Variants in PCLO observed in about 807,000 individuals in gnomAD.
The protein encoded by PCLO is piccolo presynaptic cytomatrix protein.
A neutral mutation model predicts 427.5 loss-of-function variants in PCLO; 82 were observed. That is an observed-to-expected ratio of 0.19 (90% CI 0.16 to 0.23). PCLO has a LOEUF of 0.23. PCLO is among the 10% of genes least tolerant of loss of function. The pLI, the probability that PCLO is intolerant of heterozygous loss-of-function variation, is 1.00. For missense variants in PCLO, 6,239 were observed against 6,115.9 expected, an observed-to-expected ratio of 1.02 and a Z score of -0.67; for synonymous variants, 2,357 against 2,155.4, an observed-to-expected ratio of 1.09 and a Z score of -2.59.
chr7:82,758,569 GTTTCTTCAATGCGT>G lies in PCLO; in HGVS notation c.15421_*5del. On this transcript the variant is annotated stop_lost and 3_prime_UTR_variant, in exon 25 of 25. Transcript: ENST00000333891. ...CAGTTTCTATACCCTGAGAAGACAT[GTTTCTTCAATGCGT>G]TTGAGTAGGACTGACCAAAAGTTTG... is the stretch of plus-strand genomic sequence containing the variant. 6.2e-7 allele frequency: 1 copy of G among 1,607,272 alleles called. No homozygotes were observed. The highest frequency in any genetic ancestry group is 8.5e-7 in the Non-Finnish European group (1 of 1,176,824).
At chr7:83,026,209 C>CAT (rs1253937912) in intron 3 of PCLO, among the ~76,000 whole-genome samples, 1 of 152,070 alleles carries the variant, frequency 6.6e-6, no homozygotes, top group Non-Finnish European at 1.5e-5. Flanking sequence ...TCAGGAAACC[C>CAT]ATCTCACGTG....
At chr7:83,040,623 A>G (rs1788950157) in intron 3 of PCLO, among the ~76,000 whole-genome samples, 1 of 152,148 alleles carries the variant, frequency 6.6e-6, no homozygotes. Flanking sequence ...ACCTACATAC[A>G]GTTCAGCCTA....
chr7:82,949,458 G>GA lies in PCLO; in HGVS notation c.11112+17dup. 6.5e-7 allele frequency: 1 copy of GA among 1,530,932 alleles called. No individual in the cohort carries two copies. The highest frequency in any genetic ancestry group is 8.8e-7 in the Non-Finnish European group (1 of 1,137,416). 94.8% of individuals were successfully genotyped at this position (1,530,932 alleles called of 1,614,324 possible). ...ATAACTCATCCATTGCCTTCCAACT[G>GA]AAAAGAATCACTCTTACCGTATAGC... is the stretch of plus-strand genomic sequence containing the variant. On this transcript the variant is annotated intron_variant, in intron 6 of 24. Coordinates refer to ENST00000333891, the MANE Select transcript of PCLO (RefSeq NM_033026.6).
chr7:82,945,285 C>T (rs1795175127), intron 6 of PCLO, among the ~76,000 whole-genome samples: 1 of 152,128 alleles, frequency 6.6e-6, no homozygotes, highest in African/African-American at 2.4e-5. Context: ...ATCAGACTGA[C>T]AGGGTCTTGA....
intron 3 of PCLO, among the ~76,000 whole-genome samples, chr7:83,032,787 G>A (rs190837616): frequency 2.2e-3 from 337 of 152,116 alleles, no homozygotes; most frequent in African/African-American, 7.8e-3. Flanking sequence ...ATCTAGAGTT[G>A]AATCATGAAG....
chr7:82,763,819 G>C (rs1414974282), intron 22 of PCLO, among the ~76,000 whole-genome samples: 1 of 151,992 alleles, frequency 6.6e-6, no homozygotes, highest in Non-Finnish European at 1.5e-5. Flanking sequence ...GTTCATAGTA[G>C]AGAGATGTTT....
chr7:83,111,691 G>A (rs953721779), intron 3 of PCLO, among the ~76,000 whole-genome samples: 3 of 152,160 alleles, frequency 2.0e-5, no homozygotes, highest in African/African-American at 7.2e-5. Flanking sequence ...TTAAGATCCT[G>A]ATTAGAAAGT....
chr7:82,949,858 C>G lies in PCLO; in HGVS notation c.10730G>C (p.Ser3577Thr), dbSNP rs1225596103. Residue 3577 changes from serine (S) to threonine (T), a missense_variant, in exon 6 of 25, where the codon AGT becomes ACT. Coordinates refer to ENST00000333891, the MANE Select transcript of PCLO (RefSeq NM_033026.6). The stretch of plus-strand genomic sequence containing the variant: ...AGATGTGGCACTCAGATATTGAGGA[C>G]TTTGTGTGTCTGAATCTGCTTCTGT... ...CQTEADSDTQ[S>T]PQYLSATSPP... 1 of 1,613,694 alleles carries G rather than the reference C, an allele frequency of 6.2e-7. No homozygotes were observed. The highest frequency in any genetic ancestry group is 1.1e-5 in the South Asian group (1 of 91,066).
chr7:83,087,571 CAT>C (rs1790270321), intron 3 of PCLO, among the ~76,000 whole-genome samples: 1 of 151,842 alleles, frequency 6.6e-6, no homozygotes, highest in African/African-American at 2.4e-5. Flanking sequence ...ATATATGAAA[CAT>C]ATATAAAAAG....
At chr7:83,098,277 C>G (rs751467104) in intron 3 of PCLO, among the ~76,000 whole-genome samples, 1 of 149,282 alleles carries the variant, frequency 6.7e-6, no homozygotes, top group Non-Finnish European at 1.5e-5. Flanking sequence ...GCTCTACTTA[C>G]AGTAAACATT....
Position 83,000,926 on chromosome 7 carries a change from A to AT in PCLO, c.3301-34440dup, listed in dbSNP as rs528295817. Among the ~76,000 whole-genome samples, 136 of 151,934 alleles carry AT rather than the reference A, an allele frequency of 9.0e-4. 1 individual carries two copies. Among genetic ancestry groups the AT allele is most frequent in the South Asian group, 6.6e-3 (32 of 4,816 alleles). The stretch of plus-strand genomic sequence containing the variant: ...TCAATATATAGGTTACTGTCAATTC[A>AT]TTTTTTTTACCAGTATCTAGCATAA... On this transcript the variant is annotated intron_variant, in intron 3 of 24. Transcript: ENST00000333891.
chr7:82,919,559 A>C (rs1369671178), intron 6 of PCLO, among the ~76,000 whole-genome samples: 1 of 152,032 alleles, frequency 6.6e-6, no homozygotes, highest in East Asian at 1.9e-4. Context: ...CTGCATTGAC[A>C]GGTTGAAATA....
chr7:82,919,866 G>A (rs1037327668), intron 6 of PCLO, among the ~76,000 whole-genome samples: 30 of 151,878 alleles, frequency 2.0e-4, no homozygotes, highest in Non-Finnish European at 4.1e-4. Context: ...TTTATTAAAT[G>A]TCTCCTCTCT....
At chr7:82,760,575 G>T in intron 24 of PCLO, 64 bp downstream of exon 24, 1 of 1,069,342 alleles carries the variant, frequency 9.4e-7, no homozygotes, top group Non-Finnish European at 1.3e-6. Flanking sequence ...ATTGAATAAT[G>T]GGATAAAAAT....
chr7:82,829,241 T>C (rs1011634606), intron 16 of PCLO, among the ~76,000 whole-genome samples: 7 of 152,150 alleles, frequency 4.6e-5, no homozygotes, highest in South Asian at 2.1e-4. Flanking sequence ...ACGCTCAACA[T>C]TGACTGCATA....
chr7:82,797,870 A>G (rs376318150), intron 22 of PCLO, among the ~76,000 whole-genome samples: 3 of 152,294 alleles, frequency 2.0e-5, no homozygotes, highest in East Asian at 3.9e-4. Flanking sequence ...AAACATTATT[A>G]GAGAAAATGA....
At chr7:83,038,037 A>ATT (rs1343452158) in intron 3 of PCLO, among the ~76,000 whole-genome samples, 1 of 33,834 alleles carries the variant, frequency 3.0e-5, no homozygotes, top group African/African-American at 1.3e-4. Flanking sequence ...ATATTTATAT[A>ATT]TTTATATATA....
chr7:82,909,045 A>G (rs1794260516), intron 7 of PCLO, 32 bp from the exon 8 acceptor site: 3 of 1,608,110 alleles, frequency 1.9e-6, no homozygotes, highest in African/African-American at 2.7e-5. Context: ...CATACATTGC[A>G]ACGGCAAGTA....
intron 3 of PCLO, among the ~76,000 whole-genome samples, chr7:83,096,135 T>G: frequency 6.6e-6 from 1 of 152,124 alleles, no homozygotes; most frequent in Admixed American, 6.6e-5. Context: ...TATGAAAGAT[T>G]ATGACTCACA....
Sources: allele counts gnomAD v4.1 joint callset (sites outside exome capture counted in the v4.1 genomes callset), GRCh38; gene constraint gnomAD v4.1.1; transcripts MANE v1.5; gene names NCBI Gene and HGNC (gene_info 2026-07-23, HGNC 2026-07-21).